The following ANTXR1 variants were observed in gnomAD, a reference collection of about 807,000 sequenced individuals.
ANTXR1 encodes the protein ANTXR cell adhesion molecule 1, also known as anthrax toxin receptor 1.
In ANTXR1, 19 loss-of-function variants were observed where a neutral mutation model predicts 78.1. The observed-to-expected ratio is 0.24, with a 90% CI of 0.17 to 0.36. The LOEUF (loss-of-function observed/expected upper bound fraction) is 0.36. Among genes scored for constraint, ANTXR1 ranks in the 10% least tolerant of loss-of-function variants. The pLI is 1.00. For missense variants in ANTXR1, 518 were observed against 718.6 expected (o/e 0.72, Z 3.19); for synonymous variants, 273 against 260.5 (o/e 1.05, Z -0.46).
chr2:69,201,446 G>C (rs1439058070), intron 17 of ANTXR1, among the ~76,000 whole-genome samples: 2 of 152,178 alleles, frequency 1.3e-5, no homozygotes, highest in African/African-American at 4.8e-5. Context: ...GGCCGTGGGA[G>C]CCTGCTCTGC....
In ANTXR1 at chr2:69,226,489, C is replaced by T. The variant is rs147842290; in HGVS notation, c.1435-18736C>T. 6.7e-3 allele frequency among the ~76,000 whole-genome samples: 1,012 copies of T among 152,162 alleles called. 18 individuals carry two copies. Among genetic ancestry groups the T allele is most frequent in the African/African-American group, 0.023 (963 of 41,494 alleles). On this transcript the variant is annotated intron_variant, in intron 17 of 17. Transcript: ENST00000303714. ...CATCAAGCGGTAGGAAATGGGAGAG[C>T]CTAGGAGCCAAAATGGTGGTTGAGA...
intron 13 of ANTXR1, among the ~76,000 whole-genome samples, chr2:69,153,199 G>A (rs921966345): frequency 6.6e-6 from 1 of 152,162 alleles, no homozygotes; most frequent in African/African-American, 2.4e-5. Context: ...ACAATAGACA[G>A]TGAGCCTCTC....
chr2:69,193,832 C>T (rs375732761), intron 17 of ANTXR1, among the ~76,000 whole-genome samples: 1 of 152,154 alleles, frequency 6.6e-6, no homozygotes, highest in African/African-American at 2.4e-5. Flanking sequence ...TCACAGAGTA[C>T]CAGCACTGCA....
intron 14 of ANTXR1, among the ~76,000 whole-genome samples, chr2:69,173,857 C>G (rs1353288380): frequency 6.6e-6 from 1 of 152,226 alleles, no homozygotes; most frequent in African/African-American, 2.4e-5. Flanking sequence ...AGAGAAGATG[C>G]TTCCTTTCCC....
chr2:69,213,300 C>A (rs940820172), intron 17 of ANTXR1, among the ~76,000 whole-genome samples: 129 of 152,314 alleles, frequency 8.5e-4, no homozygotes, highest in African/African-American at 3.1e-3. Flanking sequence ...CATGGACCAT[C>A]TGAAGCGCTG....
chr2:69,138,045 T>C (rs1355412101), intron 12 of ANTXR1, among the ~76,000 whole-genome samples: 1 of 144,188 alleles, frequency 6.9e-6, no homozygotes, highest in Non-Finnish European at 1.5e-5. Flanking sequence ...GATTGCACCA[T>C]TGCACTCCAG....
At chr2:69,021,276 A>C (rs574745459) in intron 1 of ANTXR1, among the ~76,000 whole-genome samples, 1 of 152,318 alleles carries the variant, frequency 6.6e-6, no homozygotes, top group East Asian at 1.9e-4. Flanking sequence ...CTAAGTCTCA[A>C]ACCCAAGCCC....
intron 12 of ANTXR1, chr2:69,145,268 G>T: frequency 4.6e-6 from 7 of 1,532,158 alleles, no homozygotes; most frequent in East Asian, 2.4e-5. Flanking sequence ...CCCTTCTAAG[G>T]CCAGGGGAGT....
intron 1 of ANTXR1, among the ~76,000 whole-genome samples, chr2:69,024,117 A>C (rs74613788): frequency 0.04 from 6,096 of 152,272 alleles, 309 homozygotes; most frequent in East Asian, 0.22. Flanking sequence ...CTTTTGTATT[A>C]AGGATCAGCA....
At chr2:69,228,999 T>A (rs1675528205) in intron 17 of ANTXR1, among the ~76,000 whole-genome samples, 1 of 152,152 alleles carries the variant, frequency 6.6e-6, no homozygotes, top group Admixed American at 6.5e-5. Context: ...TGTGCTCACA[T>A]AGCCATTTCT....
intron 17 of ANTXR1, among the ~76,000 whole-genome samples, chr2:69,230,269 C>G (rs893917394): frequency 1.3e-5 from 2 of 151,842 alleles, no homozygotes; most frequent in African/African-American, 4.8e-5. Context: ...GGGATTTAAG[C>G]ATCAGACAAG....
At chr2:69,182,065 G>A in intron 15 of ANTXR1, 184 bp downstream of exon 15, 1 of 645,594 alleles carries the variant, frequency 1.5e-6, no homozygotes, top group Non-Finnish European at 2.8e-6. Flanking sequence ...TTGAGGTCTG[G>A]TGGGGATATG....
intron 1 of ANTXR1, among the ~76,000 whole-genome samples, chr2:69,037,441 G>A (rs72827609): frequency 0.041 from 6,238 of 152,178 alleles, 152 homozygotes; most frequent in Middle Eastern, 0.12. Flanking sequence ...TTGGTTAAAA[G>A]CAACACGGAG....
At chr2:69,228,592 C>A (rs189588482) in intron 17 of ANTXR1, among the ~76,000 whole-genome samples, 187 of 152,286 alleles carry the variant, frequency 1.2e-3, no homozygotes, top group Non-Finnish European at 2.4e-3. Flanking sequence ...ACCAATGGTG[C>A]TTTTAGGAGA....
intron 1 of ANTXR1, among the ~76,000 whole-genome samples, chr2:69,036,221 A>G (rs1209943639): frequency 2.0e-5 from 3 of 152,122 alleles, no homozygotes; most frequent in Non-Finnish European, 4.4e-5. Context: ...TCCTGATTTT[A>G]TTCTTTTATT....
At chr2:69,068,637 T>C (rs909987736) in intron 3 of ANTXR1, among the ~76,000 whole-genome samples, 1 of 152,116 alleles carries the variant, frequency 6.6e-6, no homozygotes, top group African/African-American at 2.4e-5. Context: ...CACTGGAAGG[T>C]CATGAAAAGG....
chr2:69,176,926 A>G (rs1674137862), intron 14 of ANTXR1, among the ~76,000 whole-genome samples: 1 of 152,152 alleles, frequency 6.6e-6, no homozygotes, highest in Admixed American at 6.5e-5. Flanking sequence ...GATACCAGAG[A>G]AGCAGGAAAG....
intron 5 of ANTXR1, among the ~76,000 whole-genome samples, chr2:69,072,760 T>C (rs1670606847): frequency 1.3e-5 from 2 of 152,332 alleles, no homozygotes; most frequent in Non-Finnish European, 2.9e-5. Flanking sequence ...AATGTTGGTT[T>C]AGTGACCATT....
chr2:69,090,796 C>A, intron 8 of ANTXR1, 63 bp from the exon 9 acceptor site: 5 of 1,566,194 alleles, frequency 3.2e-6, no homozygotes, highest in Non-Finnish European at 4.4e-6. Context: ...AAAAGCAGAA[C>A]CCTGATTCTG....
Sources: allele counts gnomAD v4.1 joint callset (sites outside exome capture counted in the v4.1 genomes callset), GRCh38; gene constraint gnomAD v4.1.1; transcripts MANE v1.5; gene names NCBI Gene and HGNC (gene_info 2026-07-23, HGNC 2026-07-21).